The following PTPRM variants were observed in gnomAD, a reference collection of about 807,000 sequenced individuals.
The protein encoded by PTPRM is receptor-type tyrosine-protein phosphatase mu.
In PTPRM, 47 loss-of-function variants were observed where a neutral mutation model predicts 186.7. That is an observed-to-expected ratio of 0.25 (90% confidence interval 0.20 to 0.32). The LOEUF is 0.32. PTPRM is among the 10% of genes least tolerant of loss of function. The probability of loss-of-function intolerance (pLI) is 1.00; values close to 1 mark genes in which losing one functional copy is unlikely to be tolerated. For synonymous variants in PTPRM, 668 were observed against 674.9 expected, an observed-to-expected ratio of 0.99 and a Z score of 0.16; for missense variants, 1,494 against 1,865.0, an observed-to-expected ratio of 0.80 and a Z score of 3.66.
At chr18:8,296,897 G>A (rs2095103163) in intron 20 of PTPRM, among the ~76,000 whole-genome samples, 1 of 152,104 alleles carries the variant, frequency 6.6e-6, no homozygotes, top group Admixed American at 6.5e-5. Flanking sequence ...CCATTTTAAG[G>A]ACAGGAAACT....
intron 2 of PTPRM, among the ~76,000 whole-genome samples, chr18:7,870,189 T>G (rs2047914430): frequency 6.6e-6 from 1 of 152,196 alleles, no homozygotes; most frequent in Non-Finnish European, 1.5e-5. Flanking sequence ...TTACTCAACA[T>G]AAATTAACAT....
At chr18:8,151,664 C>G (rs1160613958) in intron 14 of PTPRM, among the ~76,000 whole-genome samples, 1 of 145,508 alleles carries the variant, frequency 6.9e-6, no homozygotes, top group African/African-American at 2.6e-5. Flanking sequence ...TTCTGTCTCA[C>G]TTGCGTTCCA....
intron 1 of PTPRM, among the ~76,000 whole-genome samples, chr18:7,772,007 G>A (rs549499267): frequency 3.5e-4 from 54 of 152,296 alleles, no homozygotes; most frequent in African/African-American, 1.3e-3. Context: ...TTTCAGGCTC[G>A]CAGAAGCTGA....
At chr18:7,653,544 T>C (rs1598304285) in intron 1 of PTPRM, among the ~76,000 whole-genome samples, 2 of 152,222 alleles carry the variant, frequency 1.3e-5, no homozygotes, top group African/African-American at 4.8e-5. Context: ...ATCATTTAGC[T>C]CCCCCTTATC....
Position 8,253,462 on chromosome 18 carries a change from C to T in PTPRM, c.2754+48C>T, listed in dbSNP as rs747899188. The T allele has an allele frequency of 2.9e-6, 4 of 1,369,582 alleles. No homozygotes were observed. The Admixed American group carries it at 1.3e-4, about 43-fold the overall frequency. The allele number at this position is 1,369,582 out of a possible 1,614,324, so 84.8% of individuals were successfully genotyped here. ...GGCTTTCCCATTCCTTCTTGGATTCCATGCCAGGTACTGTGCTCCCAACTC... is the reference window on the plus strand; with the variant it reads ...GGCTTTCCCATTCCTTCTTGGATTCTATGCCAGGTACTGTGCTCCCAACTC... On this transcript the variant is annotated intron_variant, in intron 19 of 32. Transcript: ENST00000580170.
At chr18:8,356,410 G>A (rs188648593) in intron 23 of PTPRM, among the ~76,000 whole-genome samples, 142 of 152,314 alleles carry the variant, frequency 9.3e-4, no homozygotes, top group African/African-American at 3.2e-3. Context: ...CCTGAGTGCA[G>A]GTCCTCCATT....
At chr18:7,742,739 C>T (rs1338029019) in intron 1 of PTPRM, among the ~76,000 whole-genome samples, 1 of 152,102 alleles carries the variant, frequency 6.6e-6, no homozygotes. Flanking sequence ...TGTAATTCTG[C>T]ATAGCAGATC....
At chr18:8,189,187 C>T (rs1251453919) in intron 14 of PTPRM, among the ~76,000 whole-genome samples, 5 of 151,164 alleles carry the variant, frequency 3.3e-5, no homozygotes, top group African/African-American at 1.2e-4. Context: ...GTCCCAGCTA[C>T]TCAGGAGGCT....
Position 7,949,364 on chromosome 18 carries a change from T to A in PTPRM, c.838+9T>A. 6.2e-7 allele frequency: 1 copy of A among 1,601,056 alleles called. No homozygotes were observed. On this transcript the variant is annotated intron_variant, in intron 6 of 32. Coordinates refer to ENST00000580170, the MANE Select transcript of PTPRM (RefSeq NM_001105244.2). ...AGAGTTGGTAGTTAAAGGTATTTAA[T>A]GTGTTTTTATACCAGAATATTCTTC...
At chr18:8,165,495 T>C (rs535832379) in intron 14 of PTPRM, among the ~76,000 whole-genome samples, 1 of 152,318 alleles carries the variant, frequency 6.6e-6, no homozygotes, top group South Asian at 2.1e-4. Flanking sequence ...TTACTGACAG[T>C]GGTGACAGTG....
chr18:7,934,012 G>A (rs2051645434), intron 5 of PTPRM, among the ~76,000 whole-genome samples: 1 of 152,106 alleles, frequency 6.6e-6, no homozygotes, highest in Non-Finnish European at 1.5e-5. Flanking sequence ...TGAAACTTCT[G>A]TCCTAATTCT....
intron 2 of PTPRM, among the ~76,000 whole-genome samples, chr18:7,834,519 C>CACACACACACACACACACACACACACAT: frequency 6.8e-6 from 1 of 147,656 alleles, no homozygotes; most frequent in East Asian, 2.1e-4. Context: ...CACACACACA[C>CACACACACACACACACACACACACACAT]ACACACACAC....
In PTPRM at chr18:7,806,074, C is replaced by T. The variant is rs1247580842; in HGVS notation, c.196+31803C>T. On this transcript the variant is annotated intron_variant, in intron 2 of 32. Transcript: ENST00000580170. ...GCAGGCTGCCAGCCTAGTGGCATAC[C>T]AGAAGTGGGCTGAGACTTGGGCAGG... Among the ~76,000 whole-genome samples the T allele has an allele frequency of 2.0e-5, 3 of 152,138 alleles. No homozygotes were observed. The East Asian group carries it at 5.8e-4, about 29-fold the overall frequency.
rs117146694 is a variant in PTPRM at position 7,960,871 on chromosome 18, A to C, written c.1132+5457A>C. ...AAGAAGGGATAGAGAATAGAGAGGTAGGAGATGATATTTTTTATTATTTTA... is the reference window on the plus strand; with the variant it reads ...AAGAAGGGATAGAGAATAGAGAGGTCGGAGATGATATTTTTTATTATTTTA... On this transcript the variant is annotated intron_variant, in intron 7 of 32. Coordinates refer to ENST00000580170, the MANE Select transcript of PTPRM (RefSeq NM_001105244.2). Among the ~76,000 whole-genome samples, 1,406 of 152,304 alleles carry C rather than the reference A, an allele frequency of 9.2e-3. 12 individuals carry two copies. Among genetic ancestry groups the C allele is most frequent in the South Asian group, 0.019 (92 of 4,826 alleles).
intron 29 of PTPRM, 103 bp from the exon 30 acceptor site, chr18:8,384,458 T>C (rs1236342513): frequency 8.9e-6 from 12 of 1,353,678 alleles, no homozygotes; most frequent in Non-Finnish European, 1.1e-5. Flanking sequence ...ACCCTATCTC[T>C]TAAAAAAAAA....
intron 2 of PTPRM, among the ~76,000 whole-genome samples, chr18:7,867,121 A>G (rs141629054): frequency 6.6e-5 from 10 of 152,296 alleles, no homozygotes; most frequent in African/African-American, 2.4e-4. Context: ...TCCTGAATAC[A>G]GCACACTGAT....
intron 5 of PTPRM, chr18:7,946,940 G>A (rs2052566572): frequency 2.2e-6 from 1 of 456,232 alleles, no homozygotes; most frequent in Non-Finnish European, 4.4e-6. Context: ...CCTTCTTTGG[G>A]GAGCTGACTG....
At chr18:8,048,117 A>C (rs1364356360) in intron 7 of PTPRM, among the ~76,000 whole-genome samples, 2 of 152,176 alleles carry the variant, frequency 1.3e-5, no homozygotes. Flanking sequence ...CTTGAGAGAG[A>C]TAGAAAAGTA....
chr18:8,042,588 G>C (rs2086761636), intron 7 of PTPRM, among the ~76,000 whole-genome samples: 1 of 151,886 alleles, frequency 6.6e-6, no homozygotes, highest in African/African-American at 2.4e-5. Flanking sequence ...TATGTTGCTG[G>C]CTTGAACAAT....
Sources: gnomAD v4.1 joint callset for allele counts (sites outside exome capture counted in the v4.1 genomes callset) on GRCh38, gnomAD v4.1.1 for gene constraint, MANE v1.5 for transcripts, NCBI Gene and HGNC (gene_info 2026-07-23, HGNC 2026-07-21) for gene names.